ARID4B: variants seen among roughly 807,000 people sequenced by gnomAD.
ARID4B encodes AT-rich interactive domain-containing protein 4B.
A neutral mutation model predicts 147.5 loss-of-function variants in ARID4B; 26 were observed. The ratio of observed to expected loss-of-function variants is 0.18; its 90% CI spans 0.13 to 0.24. The LOEUF is 0.24. ARID4B is among the 10% of genes least tolerant of loss of function. The probability of loss-of-function intolerance (pLI) is 1.00; values close to 1 mark genes in which losing one functional copy is unlikely to be tolerated. For synonymous variants in ARID4B, 512 were observed against 507.9 expected (o/e 1.01, Z -0.11); for missense variants, 1,179 against 1,511.5 (o/e 0.78, Z 3.65).
chr1:235,316,015 A>ATAAAT (rs142128565), intron 2 of ARID4B, among the ~76,000 whole-genome samples: 18,800 of 151,644 alleles, frequency 0.12, 1,394 homozygotes, highest in African/African-American at 0.19. Flanking sequence ...CTCTGATCTC[A>ATAAAT]TAAATTAAAT....
intron 2 of ARID4B, among the ~76,000 whole-genome samples, chr1:235,297,511 G>C (rs530611211): frequency 6.6e-6 from 1 of 152,148 alleles, no homozygotes; most frequent in African/African-American, 2.4e-5. Context: ...TCACCGTTTT[G>C]CAATCCTTAT....
intron 6 of ARID4B, among the ~76,000 whole-genome samples, chr1:235,248,580 AAG>A (rs936452301): frequency 2.6e-5 from 4 of 152,118 alleles, no homozygotes; most frequent in African/African-American, 7.2e-5. Context: ...AGAAAAATAA[AAG>A]AGAGAGAGAG....
At chr1:235,227,831 T>A (rs1055617078) in intron 11 of ARID4B, among the ~76,000 whole-genome samples, 1 of 86,856 alleles carries the variant, frequency 1.2e-5, no homozygotes, top group Admixed American at 9.8e-5. Context: ...TTTTCTGCTA[T>A]TTTTTTTTTT....
At chr1:235,319,123 TA>T (rs1183063800) in intron 2 of ARID4B, among the ~76,000 whole-genome samples, 1 of 152,038 alleles carries the variant, frequency 6.6e-6, no homozygotes, top group Non-Finnish European at 1.5e-5. Context: ...ACCTCATCTC[TA>T]AAAAAACAAA....
Position 235,240,409 on chromosome 1 carries a change from CTCATCT to C in ARID4B, c.483_488del (p.Glu163_Asp164del). 1 of 1,613,420 alleles carries C rather than the reference CTCATCT, an allele frequency of 6.2e-7. No individual in the cohort carries two copies. Among genetic ancestry groups the C allele is most frequent in the Admixed American group, 1.7e-5 (1 of 59,994 alleles). On this transcript the variant is annotated inframe_deletion, in exon 8 of 24. Coordinates refer to ENST00000264183, the MANE Select transcript of ARID4B (RefSeq NM_016374.6). ...GCTCATCAATCTGTTTCCTATCATCCTCATCTTCATCACTGGAGGATGATGAAGACT... is the reference window on the plus strand; with the variant it reads ...GCTCATCAATCTGTTTCCTATCATCCTCATCACTGGAGGATGATGAAGACT...
At chr1:235,281,048 A>T (rs1402959642) in intron 2 of ARID4B, among the ~76,000 whole-genome samples, 2 of 152,160 alleles carry the variant, frequency 1.3e-5, no homozygotes. Context: ...GTCCTAAGTA[A>T]ACACTCACCA....
At chr1:235,229,165 C>A in intron 11 of ARID4B, 66 bp downstream of exon 11, 1 of 1,549,654 alleles carries the variant, frequency 6.5e-7, no homozygotes, top group Non-Finnish European at 8.7e-7. Flanking sequence ...AATGCCAAAT[C>A]CTAACCCACA....
In ARID4B at chr1:235,306,664, C is replaced by CT. The variant is rs559717889; in HGVS notation, c.6+20249dup. ...CTGTATGATCCCTTAAATAAAATCT[C>CT]TTTTTTTAAGACAGAGTCTCTCCCT... On this transcript the variant is annotated intron_variant, in intron 2 of 23. Transcript: ENST00000264183. Among the ~76,000 whole-genome samples, 312 of 151,988 alleles carry CT rather than the reference C, an allele frequency of 2.1e-3. 2 individuals are homozygous for CT. The highest frequency in any genetic ancestry group is 7.2e-3 in the African/African-American group (300 of 41,466).
chr1:235,182,971 T>C (rs946027), intron 19 of ARID4B, among the ~76,000 whole-genome samples, 178 bp from the exon 20 acceptor site: 41,549 of 151,968 alleles, frequency 0.27, 7,212 homozygotes, highest in South Asian at 0.53. Flanking sequence ...GCTCTTCCAA[T>C]GATGGAAATG....
At position 235,177,902 on chromosome 1, in the gene ARID4B, G is replaced by T; in HGVS notation, c.3346C>A (p.Gln1116Lys). The change falls in exon 21 of 24, where the codon CAG becomes AAG. Residue 1116 changes from glutamine to lysine, a missense_variant. This residue lies in a region of ARID4B where 357 missense variants were observed against 427.3 expected (regional missense o/e 0.84). Coordinates refer to ENST00000264183, the MANE Select transcript of ARID4B (RefSeq NM_016374.6). Reference protein sequence around the residue: ...PEHPEKACTGQKRVKDAQGGG... With the variant: ...PEHPEKACTGKKRVKDAQGGG... Reference sequence around the variant, plus strand: ...CCCTGAGCATCTTTCACTCTTTTCTGACCTGTACAGGCTATGAAGGGAAAG... The same window carrying T: ...CCCTGAGCATCTTTCACTCTTTTCTTACCTGTACAGGCTATGAAGGGAAAG... 6.2e-7 allele frequency: 1 copy of T among 1,600,948 alleles called. No individual in the cohort carries two copies. Among genetic ancestry groups the T allele is most frequent in the South Asian group, 1.1e-5 (1 of 89,484 alleles).
At chr1:235,303,586 G>A (rs1400141074) in intron 2 of ARID4B, among the ~76,000 whole-genome samples, 4 of 152,114 alleles carry the variant, frequency 2.6e-5, no homozygotes, top group African/African-American at 9.7e-5. Flanking sequence ...GCCAGGCATG[G>A]TGGCACATGT....
chr1:235,248,333 A>T (rs954111996), intron 6 of ARID4B, among the ~76,000 whole-genome samples: 1 of 152,206 alleles, frequency 6.6e-6, no homozygotes, highest in Non-Finnish European at 1.5e-5. Context: ...TACAGGCATG[A>T]GCCACCACAC....
At position 235,168,693 on chromosome 1, in the gene ARID4B, TTA is replaced by T. The variant is rs747591404; in HGVS notation, c.3812-43_3812-42del. 23 of 1,590,096 alleles carry T rather than the reference TTA, an allele frequency of 1.4e-5. No homozygotes were observed. The South Asian group carries it at 2.6e-4, about 18-fold the overall frequency. ...ACCAAACCAAGAGCTTAATAAAAAT[TTA>T]TGTCTAACAATAGACAGAAAATACT... On this transcript the variant is annotated intron_variant, in intron 23 of 23. Coordinates refer to ENST00000264183, the MANE Select transcript of ARID4B (RefSeq NM_016374.6).
intron 13 of ARID4B, among the ~76,000 whole-genome samples, chr1:235,222,038 T>C (rs1020287123): frequency 2.0e-5 from 3 of 151,756 alleles, no homozygotes; most frequent in Admixed American, 6.6e-5. Context: ...ACAACCCAAG[T>C]AGCTGGGACT....
At chr1:235,290,346 G>A in intron 2 of ARID4B, among the ~76,000 whole-genome samples, 1 of 151,764 alleles carries the variant, frequency 6.6e-6, no homozygotes, top group East Asian at 1.9e-4. Context: ...CAGAGGCTGA[G>A]GCAGGAGAAC....
intron 15 of ARID4B, 140 bp downstream of exon 15, chr1:235,220,162 T>G (rs575780419): frequency 1.1e-6 from 1 of 885,288 alleles, no homozygotes; most frequent in African/African-American, 1.8e-5. Context: ...TGATAAAAAT[T>G]ATACAAAAGT....
In ARID4B at chr1:235,229,234, T is replaced by C. The variant is rs747081754; in HGVS notation, c.894A>G (p.Glu298=). The part of the protein sequence containing the change: ...EKEKEDNSSE[E]EEEIEPFPEE... ...GGTATCAACTGTTTTCACTTACTTC[T>C]TCTTCACTGCTATTATCCTCCTTTT... The change falls in exon 11 of 24, where the codon GAA becomes GAG. Residue 298 remains glutamate (E), a synonymous_variant. Coordinates refer to ENST00000264183, the MANE Select transcript of ARID4B (RefSeq NM_016374.6). 4.3e-6 allele frequency: 7 copies of C among 1,609,584 alleles called. No individual in the cohort carries two copies. Among genetic ancestry groups the C allele is most frequent in the Non-Finnish European group, 5.9e-6 (7 of 1,178,154 alleles).
chr1:235,306,942 T>C (rs1673615544), intron 2 of ARID4B, among the ~76,000 whole-genome samples: 1 of 152,140 alleles, frequency 6.6e-6, no homozygotes, highest in African/African-American at 2.4e-5. Context: ...TTACAGGCAT[T>C]AGACACTGTA....
intron 11 of ARID4B, chr1:235,228,736 C>T (rs1300560093): frequency 6.6e-6 from 1 of 150,916 alleles, no homozygotes; most frequent in East Asian, 2.0e-4. Flanking sequence ...AGCTCCGTCT[C>T]TCGGTTTCAT....
Sources: gnomAD v4.1 joint callset for allele counts (sites outside exome capture counted in the v4.1 genomes callset) on GRCh38, gnomAD v4.1.1 for gene constraint, gnomAD v4.1.1 regional missense constraint, MANE v1.5 for transcripts, NCBI Gene and HGNC (gene_info 2026-07-23, HGNC 2026-07-21) for gene names.